The following ZFHX3 variants were observed in gnomAD, a reference collection of about 807,000 sequenced individuals.
ZFHX3 encodes the protein zinc finger homeobox protein 3.
In ZFHX3, 42 loss-of-function variants were observed where a neutral mutation model predicts 279.1. That is an observed-to-expected ratio of 0.15 (90% confidence interval 0.12 to 0.19). The LOEUF (loss-of-function observed/expected upper bound fraction) is 0.19. ZFHX3 is among the 10% of genes least tolerant of loss of function. The pLI, the probability that ZFHX3 is intolerant of heterozygous loss-of-function variation, is 1.00. For synonymous variants in ZFHX3, 2,293 were observed against 1,957.8 expected, an observed-to-expected ratio of 1.17 and a Z score of -4.52; for missense variants, 4,981 against 4,754.0, an observed-to-expected ratio of 1.05 and a Z score of -1.40.
chr16:72,944,528 G>T (rs1371624558), intron 3 of ZFHX3, among the ~76,000 whole-genome samples: 2 of 152,256 alleles, frequency 1.3e-5, no homozygotes, highest in South Asian at 2.1e-4. Context: ...TGTAAAAAAG[G>T]TCTCAGGTAT....
At chr16:73,045,804 G>A (rs1457013742) in intron 1 of ZFHX3, among the ~76,000 whole-genome samples, 2 of 122,946 alleles carry the variant, frequency 1.6e-5, no homozygotes. Flanking sequence ...AAAAAAAAAA[G>A]TGGGGGGGGG....
intron 1 of ZFHX3, among the ~76,000 whole-genome samples, chr16:72,983,351 A>G (rs1467020379): frequency 6.6e-6 from 1 of 152,188 alleles, no homozygotes; most frequent in African/African-American, 2.4e-5. Context: ...CCAGAACACA[A>G]AACAATGACC....
chr16:73,104,380 A>ATG lies in ZFHX3; in HGVS notation c.-896-10783_-896-10782insCA, dbSNP rs1567389475. On this transcript the variant is annotated intron_variant, in intron 7 of 17. Transcript: ENST00000641206. ...CGAGTAGCTGGGATTACAGGTGCGC[A>ATG]CCACCACGTCCAGCTAATTTTTGTA... is the stretch of plus-strand genomic sequence containing the variant. Among the ~76,000 whole-genome samples the ATG allele has an allele frequency of 1.6e-4, 25 of 151,876 alleles. 1 individual carries two copies. The Middle Eastern group carries it at 0.01, about 62-fold the overall frequency.
At chr16:73,297,331 T>C (rs1322805267) in intron 4 of ZFHX3, among the ~76,000 whole-genome samples, 2 of 152,032 alleles carry the variant, frequency 1.3e-5, no homozygotes, top group East Asian at 1.9e-4. Context: ...AGCCCTCTTA[T>C]GTTCCTGGTG....
chr16:73,122,448 C>T (rs1299128027), intron 7 of ZFHX3, among the ~76,000 whole-genome samples: 1 of 151,938 alleles, frequency 6.6e-6, no homozygotes, highest in Non-Finnish European at 1.5e-5. Context: ...CTCAAGTGGT[C>T]TGCCTGCCTT....
chr16:73,498,894 G>A (rs974580099), intron 2 of ZFHX3, among the ~76,000 whole-genome samples: 1 of 152,132 alleles, frequency 6.6e-6, no homozygotes, highest in Non-Finnish European at 1.5e-5. Context: ...TGAGTGCTTC[G>A]GTTCTGATGT....
intron 4 of ZFHX3, among the ~76,000 whole-genome samples, chr16:72,834,004 T>C (rs1368456746): frequency 6.6e-6 from 1 of 152,196 alleles, no homozygotes; most frequent in Non-Finnish European, 1.5e-5. Flanking sequence ...CCCAGCACTT[T>C]GAGAGGCCGA....
chr16:73,120,364 C>G (rs1555499513), intron 7 of ZFHX3, among the ~76,000 whole-genome samples: 1 of 151,584 alleles, frequency 6.6e-6, no homozygotes. Flanking sequence ...CTCCGAGGCT[C>G]AAATGATCCT....
intron 4 of ZFHX3, among the ~76,000 whole-genome samples, chr16:72,843,172 T>C (rs2037386396): frequency 6.6e-6 from 1 of 152,010 alleles, no homozygotes; most frequent in African/African-American, 2.4e-5. Flanking sequence ...TACCTCAATT[T>C]TACAGACTAG....
chr16:73,752,125 G>C (rs1426855928), intron 1 of ZFHX3, among the ~76,000 whole-genome samples: 1 of 152,082 alleles, frequency 6.6e-6, no homozygotes, highest in Admixed American at 6.6e-5. Context: ...GCTGATCCAT[G>C]GTGCCATTTA....
At chr16:72,889,137 T>C (rs941295506) in intron 4 of ZFHX3, among the ~76,000 whole-genome samples, 5 of 152,086 alleles carry the variant, frequency 3.3e-5, no homozygotes, top group Non-Finnish European at 2.9e-5. Context: ...AAGCTCCCAC[T>C]AGCAGGTCTC....
chr16:73,870,638 T>C (rs1962137491), intron 1 of ZFHX3, among the ~76,000 whole-genome samples: 2 of 152,166 alleles, frequency 1.3e-5, no homozygotes, highest in South Asian at 2.1e-4. Flanking sequence ...TTCTCTGTGC[T>C]CAAAAAGTCA....
At chr16:73,492,233 G>C (rs1376299031) in intron 2 of ZFHX3, among the ~76,000 whole-genome samples, 1 of 151,970 alleles carries the variant, frequency 6.6e-6, no homozygotes, top group Non-Finnish European at 1.5e-5. Flanking sequence ...AGTCACCCAA[G>C]CTGGAAACCT....
At chr16:73,854,864 G>A (rs1252310229) in intron 1 of ZFHX3, among the ~76,000 whole-genome samples, 1 of 151,548 alleles carries the variant, frequency 6.6e-6, no homozygotes, top group African/African-American at 2.4e-5. Context: ...ACTAGGTTGA[G>A]CACCGAGAAA....
chr16:73,661,072 C>T (rs2052778343), intron 2 of ZFHX3, among the ~76,000 whole-genome samples: 1 of 152,140 alleles, frequency 6.6e-6, no homozygotes. Flanking sequence ...CACAGCTGTT[C>T]CTAAGGATCT....
In ZFHX3 at chr16:73,273,841, T is replaced by C. The variant is rs1356140179; in HGVS notation, c.-1193-16705A>G. 9.9e-5 allele frequency among the ~76,000 whole-genome samples: 15 copies of C among 152,232 alleles called. No homozygotes were observed. The East Asian group carries it at 2.9e-3, about 29-fold the overall frequency. On this transcript the variant is annotated intron_variant, in intron 4 of 17. Transcript: ENST00000641206. ...ACAGGTGGAATGCTGCTTAGAAGAA[T>C]GTATGTATTTAAATTTGTAGGCCGG...
At chr16:73,865,322 G>T (rs909685099) in intron 1 of ZFHX3, among the ~76,000 whole-genome samples, 1 of 152,180 alleles carries the variant, frequency 6.6e-6, no homozygotes, top group Non-Finnish European at 1.5e-5. Context: ...TATGCAAATA[G>T]GCCATGCAGA....
intron 4 of ZFHX3, among the ~76,000 whole-genome samples, chr16:72,849,802 G>C (rs2037567374): frequency 7.7e-6 from 1 of 130,090 alleles, no homozygotes; most frequent in Non-Finnish European, 1.5e-5. Context: ...CCTTTACTTA[G>C]AGCTCCAGCT....
intron 3 of ZFHX3, among the ~76,000 whole-genome samples, chr16:72,949,780 G>A (rs1444620664): frequency 2.0e-5 from 3 of 151,152 alleles, no homozygotes; most frequent in Non-Finnish European, 4.4e-5. Context: ...ACACACAAAG[G>A]AGGCCCCTCA....
Sources: gnomAD v4.1 joint callset for allele counts (sites outside exome capture counted in the v4.1 genomes callset) on GRCh38, gnomAD v4.1.1 for gene constraint, MANE v1.5 for transcripts, NCBI Gene and HGNC (gene_info 2026-07-23, HGNC 2026-07-21) for gene names.